The following IQSEC3 variants were observed in gnomAD, a reference collection of about 807,000 sequenced individuals.
IQSEC3 encodes IQ motif and SEC7 domain-containing protein 3.
A neutral mutation model predicts 105.4 loss-of-function variants in IQSEC3; 50 were observed. The ratio of observed to expected loss-of-function variants is 0.47; its 90% CI spans 0.38 to 0.60. IQSEC3 has a LOEUF of 0.60. Ranked by LOEUF, IQSEC3 falls within the 20% of genes least tolerant of loss-of-function variation. The pLI is 0.00. For missense variants in IQSEC3, 1,415 were observed against 1,630.0 expected (o/e 0.87, Z 2.27); for synonymous variants, 708 against 746.0 (o/e 0.95, Z 0.83).
rs1865847552 is a variant in IQSEC3 at position 138,186 on chromosome 12, C to A, written c.904-81C>A. 14 of 1,310,706 alleles carry A rather than the reference C, an allele frequency of 1.1e-5. No individual in the cohort carries two copies. The South Asian group carries it at 1.8e-4, about 17-fold the overall frequency. 81.2% of individuals were successfully genotyped at this position (1,310,706 alleles called of 1,614,324 possible). A position where few individuals can be genotyped will look rare whatever the true frequency, so the allele number is the denominator to read the frequency against. On this transcript the variant is annotated intron_variant, in intron 3 of 13. Transcript: ENST00000538872. This position sits in a 1 kb window ranked among gnomAD's most constrained non-coding sequence, Gnocchi z 7.1. ...TTCCTGGGCCCCACCCGAGTGTGGC[C>A]GGGTGACTCCACCACTCCTCAGAAG...
intron 7 of IQSEC3, among the ~76,000 whole-genome samples, chr12:161,462 G>A (rs116161636): frequency 1.1e-4 from 17 of 152,260 alleles, no homozygotes; most frequent in African/African-American, 4.1e-4. Context: ...TCAATGCCAT[G>A]CTCCCTACTG....
At chr12:143,442 C>CT (rs1470899457) in intron 5 of IQSEC3, 1 of 152,920 alleles carries the variant, frequency 6.5e-6, no homozygotes, top group Non-Finnish European at 1.5e-5. Flanking sequence ...GATGTGATTG[C>CT]AAAAGTTTCT....
rs569326723 is a variant in IQSEC3 at position 126,122 on chromosome 12, G to A, written c.903+210G>A. Among the ~76,000 whole-genome samples the A allele has an allele frequency of 6.6e-5, 10 of 152,322 alleles. No individual in the cohort carries two copies. The South Asian group carries it at 8.3e-4, about 13-fold the overall frequency. On this transcript the variant is annotated intron_variant, in intron 3 of 13. Coordinates refer to ENST00000538872, the MANE Select transcript of IQSEC3 (RefSeq NM_001170738.2). Reference sequence around the variant, plus strand: ...CTACCATGGCAGGGCTCATACCCTCGCAATGCCAGGCCCTTGGGCAGCACG... The same window carrying A: ...CTACCATGGCAGGGCTCATACCCTCACAATGCCAGGCCCTTGGGCAGCACG...
chr12:72,664 C>T (rs1487514264), intron 1 of IQSEC3, among the ~76,000 whole-genome samples: 1 of 102,760 alleles, frequency 9.7e-6, no homozygotes, highest in African/African-American at 2.9e-5. Flanking sequence ...AGTGCAGGTT[C>T]CCACAGAGGC....
intron 5 of IQSEC3, chr12:143,501 G>A (rs1260730011): frequency 6.5e-6 from 1 of 153,250 alleles, no homozygotes; most frequent in Non-Finnish European, 1.5e-5. Flanking sequence ...TGCATTGGTA[G>A]CACTGCCCTA....
At chr12:74,296 C>T (rs1365841714) in intron 1 of IQSEC3, among the ~76,000 whole-genome samples, 1 of 152,264 alleles carries the variant, frequency 6.6e-6, no homozygotes, top group Non-Finnish European at 1.5e-5. Flanking sequence ...GACTAAGAGG[C>T]CTGATGTGTG....
rs541124450 is a variant in IQSEC3 at position 145,961 on chromosome 12, G to A, written c.2153+4676G>A. ...AAGGCAGCTTCTGGGTTGAGCTGCC[G>A]GAAGAAAGCTTCCTGGGTGTTCCTT... On this transcript the variant is annotated intron_variant, in intron 5 of 13. Transcript: ENST00000538872. Among the ~76,000 whole-genome samples the A allele has an allele frequency of 1.1e-3, 161 of 152,320 alleles. 1 individual carries two copies. The highest frequency in any genetic ancestry group is 3.4e-3 in the African/African-American group (142 of 41,568).
chr12:177,758 G>C lies in IQSEC3; in HGVS notation c.*2725G>C, dbSNP rs1052759566. On this transcript the variant is annotated 3_prime_UTR_variant, in exon 14 of 14. Transcript: ENST00000538872. This position sits in a 1 kb window ranked among gnomAD's most constrained non-coding sequence, Gnocchi z 5.3. Reference sequence around the variant, plus strand: ...GGACCCCTCTCCATCCCTGTCCCCAGAGCCTAGACCTCAGGGACCTAGGAA... The same window carrying C: ...GGACCCCTCTCCATCCCTGTCCCCACAGCCTAGACCTCAGGGACCTAGGAA... 1 of 152,314 alleles carries C rather than the reference G, an allele frequency of 6.6e-6. No individual in the cohort carries two copies. The highest frequency in any genetic ancestry group is 6.5e-5 in the Admixed American group (1 of 15,282). 9.4% of individuals were successfully genotyped at this position (152,314 alleles called of 1,614,324 possible). A position where few individuals can be genotyped will look rare whatever the true frequency, so the allele number is the denominator to read the frequency against.
chr12:105,365 T>G lies in IQSEC3; in HGVS notation c.623+6151T>G, dbSNP rs544295441. Among the ~76,000 whole-genome samples, 41 of 152,278 alleles carry G rather than the reference T, an allele frequency of 2.7e-4. No homozygotes were observed. The East Asian group carries it at 7.2e-3, about 27-fold the overall frequency. ...GGCGGGAATCCTGGGGTTTGAAGCCTGGGCTCTGGGGTGGGACAGAGTGGC... is the reference window on the plus strand; with the variant it reads ...GGCGGGAATCCTGGGGTTTGAAGCCGGGGCTCTGGGGTGGGACAGAGTGGC... On this transcript the variant is annotated intron_variant, in intron 2 of 13. Coordinates refer to ENST00000538872, the MANE Select transcript of IQSEC3 (RefSeq NM_001170738.2).
intron 13 of IQSEC3, chr12:171,363 GCT>G (rs781911374): frequency 1.9e-6 from 3 of 1,573,092 alleles, no homozygotes; most frequent in African/African-American, 1.4e-5. Context: ...TAAGCCACGA[GCT>G]CTTTCTCCCC....
chr12:89,297 C>A (rs546387450), intron 1 of IQSEC3, among the ~76,000 whole-genome samples: 26 of 151,732 alleles, frequency 1.7e-4, no homozygotes, highest in Admixed American at 4.6e-4. Flanking sequence ...AATATAATGT[C>A]TTTTTCTACT....
At position 151,084 on chromosome 12, in the gene IQSEC3, T is replaced by C. The variant is rs539376796; in HGVS notation, c.2154-5941T>C. Among the ~76,000 whole-genome samples the C allele has an allele frequency of 7.4e-4, 104 of 141,042 alleles. 2 individuals carry two copies. Among genetic ancestry groups the C allele is most frequent in the African/African-American group, 2.5e-3 (95 of 37,956 alleles). The allele number at this position is 141,042 out of a possible 152,430, so 92.5% of individuals were successfully genotyped here. On this transcript the variant is annotated intron_variant, in intron 5 of 13. Transcript: ENST00000538872. Reference sequence around the variant, plus strand: ...CTGAAAGAACACCTCAAACTTCGTGTGCCCCAAGATGGAGACTCCGTCTCT... The same window carrying C: ...CTGAAAGAACACCTCAAACTTCGTGCGCCCCAAGATGGAGACTCCGTCTCT...
In IQSEC3 at chr12:174,850, C is replaced by T; in HGVS notation, c.3366C>T (p.Thr1122=). 1 of 1,579,010 alleles carries T rather than the reference C, an allele frequency of 6.3e-7. No individual in the cohort carries two copies. The highest frequency in any genetic ancestry group is 1.1e-5 in the South Asian group (1 of 87,336). ...TGAGCCAGGCTCTCTCCTGCTACACCTCGTCGTCCTCTGACTCCTGCGGCT... is the reference window on the plus strand; with the variant it reads ...TGAGCCAGGCTCTCTCCTGCTACACTTCGTCGTCCTCTGACTCCTGCGGCT... ...PLLSQALSCY[T]SSSSDSCGST... is the part of the protein sequence containing the mutation. The change falls in exon 14 of 14, where the codon ACC becomes ACT. Residue 1122 remains threonine, a synonymous_variant. Transcript: ENST00000538872.
rs782756780 is a variant in IQSEC3 at position 168,977 on chromosome 12, AG to A, written c.2972-34del. The A allele has an allele frequency of 5.7e-6, 9 of 1,575,700 alleles. No individual in the cohort carries two copies. In the East Asian group the frequency reaches 1.8e-4, roughly 31 times the overall value. On this transcript the variant is annotated intron_variant, in intron 11 of 13. Transcript: ENST00000538872. ...CCTCGCCTCTGTGTGGTTGAGGTTA[AG>A]GTTTCTCTTGCTCACGGGCCTCTGC...
At chr12:133,184 C>G (rs149661586) in intron 3 of IQSEC3, among the ~76,000 whole-genome samples, 1 of 152,216 alleles carries the variant, frequency 6.6e-6, no homozygotes, top group Non-Finnish European at 1.5e-5. Flanking sequence ...CTGACTGACA[C>G]AGCTCCCTTC....
chr12:148,192 G>A (rs1422469130), intron 5 of IQSEC3: 1 of 152,104 alleles, frequency 6.6e-6, no homozygotes, highest in Non-Finnish European at 1.5e-5. Context: ...TATTGGCATA[G>A]AGCAGTGCTT....
chr12:127,171 A>C (rs1193016998), intron 3 of IQSEC3, among the ~76,000 whole-genome samples: 1 of 152,248 alleles, frequency 6.6e-6, no homozygotes, highest in East Asian at 1.9e-4. Flanking sequence ...TTCTGATGAC[A>C]TAAAGCTGAA....
At chr12:74,300 ATGTGT>A (rs1863434948) in intron 1 of IQSEC3, among the ~76,000 whole-genome samples, 4 of 152,370 alleles carry the variant, frequency 2.6e-5, no homozygotes, top group African/African-American at 9.6e-5. Flanking sequence ...AAGAGGCCTG[ATGTGT>A]GGTTGTGGGT....
intron 5 of IQSEC3, among the ~76,000 whole-genome samples, chr12:156,023 G>A (rs749127604): frequency 3.2e-4 from 48 of 152,188 alleles, no homozygotes; most frequent in Non-Finnish European, 6.0e-4. Flanking sequence ...CTGGGGACAG[G>A]GCACCCCAAA....
Sources: gnomAD v4.1 joint callset for allele counts (sites outside exome capture counted in the v4.1 genomes callset) on GRCh38, gnomAD v4.1.1 for gene constraint, Gnocchi (gnomAD v3.1) non-coding constraint, MANE v1.5 for transcripts, NCBI Gene and HGNC (gene_info 2026-07-23, HGNC 2026-07-21) for gene names.